The following TMEFF1 variants were observed in gnomAD, a reference collection of about 807,000 sequenced individuals.
TMEFF1 encodes transmembrane protein with EGF like and two follistatin like domains 1.
In TMEFF1, 20 loss-of-function variants were observed where a neutral mutation model predicts 47.5. That is an observed-to-expected ratio of 0.42 (90% CI 0.30 to 0.61). The LOEUF (loss-of-function observed/expected upper bound fraction) is 0.61, where lower values mean the gene tolerates loss of function less well. Ranked by LOEUF, TMEFF1 falls within the 20% of genes least tolerant of loss-of-function variation. The pLI is 0.19. For missense variants in TMEFF1, 411 were observed against 471.1 expected (o/e 0.87, Z 1.18); for synonymous variants, 162 against 166.3 (o/e 0.97, Z 0.20).
intron 5 of TMEFF1, among the ~76,000 whole-genome samples, chr9:100,523,588 C>T (rs990773463): frequency 2.0e-5 from 3 of 152,096 alleles, no homozygotes; most frequent in East Asian, 1.9e-4. Context: ...AAAAGACTAG[C>T]GTTGAATTTG....
At chr9:100,572,720 G>A (rs1839270999) in intron 9 of TMEFF1, 44 bp downstream of exon 9, 2 of 1,558,616 alleles carry the variant, frequency 1.3e-6, no homozygotes, top group South Asian at 2.4e-5. Context: ...TTAGAGGCAG[G>A]CAACTGTTTA....
rs143765276 is a variant in TMEFF1, at chr9:100,521,721, C to G, written c.560+4950C>G. On this transcript the variant is annotated intron_variant, in intron 5 of 9. Coordinates refer to ENST00000374879, the MANE Select transcript of TMEFF1 (RefSeq NM_003692.5). ...CCTGCCCAGGAATGGTGTGAGGAGTCTGTAGAATCATCAGGCCTAATGCCA... is the reference window on the plus strand; with the variant it reads ...CCTGCCCAGGAATGGTGTGAGGAGTGTGTAGAATCATCAGGCCTAATGCCA... Among the ~76,000 whole-genome samples the G allele has an allele frequency of 6.5e-4, 99 of 152,316 alleles. No homozygotes were observed. The East Asian group carries it at 9.6e-3, about 15-fold the overall frequency.
At chr9:100,489,813 G>A (rs1233298763) in intron 1 of TMEFF1, among the ~76,000 whole-genome samples, 1 of 152,198 alleles carries the variant, frequency 6.6e-6, no homozygotes, top group Admixed American at 6.5e-5. Context: ...TGCCAGGCTA[G>A]TGTCAGAACC....
chr9:100,497,320 C>CTTTTTTTTTTTTTTTTTTTTTTTTTTT lies in TMEFF1; in HGVS notation c.197-1421_197-1420insTTTTTTTTTTTTTTTTTTTTTTTTTTT, dbSNP rs752427622. ...TCTTGCTTTAAGTTTCCACTCATGTCTTTTTTTTTTTTTTTTTTTTTTTTG... is the reference window on the plus strand; with the variant it reads ...TCTTGCTTTAAGTTTCCACTCATGTCTTTTTTTTTTTTTTTTTTTTTTTTTTTTTTTTTTTTTTTTTTTTTTTTTTTG... On this transcript the variant is annotated intron_variant, in intron 1 of 9. Coordinates refer to ENST00000374879, the MANE Select transcript of TMEFF1 (RefSeq NM_003692.5). 5.7e-4 allele frequency among the ~76,000 whole-genome samples: 34 copies of CTTTTTTTTTTTTTTTTTTTTTTTTTTT among 59,546 alleles called. 3 individuals carry two copies. The highest frequency in any genetic ancestry group is 1.8e-3 in the South Asian group (2 of 1,094). The allele number at this position is 59,546 out of a possible 152,430, so 39.1% of individuals were successfully genotyped here.
chr9:100,549,476 A>G (rs1023013590), intron 6 of TMEFF1, among the ~76,000 whole-genome samples: 4 of 152,184 alleles, frequency 2.6e-5, no homozygotes, highest in Admixed American at 2.6e-4. Flanking sequence ...TTTAATTGAA[A>G]TGCATCCTTT....
intron 1 of TMEFF1, among the ~76,000 whole-genome samples, chr9:100,478,817 G>C (rs1490622057): frequency 6.6e-6 from 1 of 152,034 alleles, no homozygotes; most frequent in Non-Finnish European, 1.5e-5. Context: ...GTCCTTTTTG[G>C]CTCTGGGATA....
chr9:100,498,912 C>A, intron 2 of TMEFF1, 38 bp downstream of exon 2: 1 of 1,584,532 alleles, frequency 6.3e-7, no homozygotes, highest in Non-Finnish European at 8.6e-7. Context: ...GTTTTATATT[C>A]TTCGTATTTT....
chr9:100,495,213 T>G (rs946851145), intron 1 of TMEFF1, among the ~76,000 whole-genome samples: 1 of 152,244 alleles, frequency 6.6e-6, no homozygotes, highest in Non-Finnish European at 1.5e-5. Flanking sequence ...TTCACTTACA[T>G]TGTTTTCCTA....
chr9:100,518,339 T>A, intron 5 of TMEFF1: 1 of 637,556 alleles, frequency 1.6e-6, no homozygotes, highest in Non-Finnish European at 2.0e-6. Context: ...CTATTCCCAA[T>A]CAGAGCAACT....
At position 100,547,862 on chromosome 9, in the gene TMEFF1, A is replaced by G; in HGVS notation, c.679A>G (p.Ile227Val). 1 of 1,606,682 alleles carries G rather than the reference A, an allele frequency of 6.2e-7. No homozygotes were observed. The highest frequency in any genetic ancestry group is 8.5e-7 in the Non-Finnish European group (1 of 1,177,594). ...REASCIKQEQ[I>V]DIRHLGHCTD... is the part of the protein sequence containing the mutation. ...AGCATCTTGTATAAAGCAAGAACAAATTGATATAAGGCATCTTGGTCATTG... is the reference window on the plus strand; with the variant it reads ...AGCATCTTGTATAAAGCAAGAACAAGTTGATATAAGGCATCTTGGTCATTG... Residue 227 changes from isoleucine (I) to valine (V), a missense_variant, in exon 6 of 10, where the codon ATT (isoleucine) becomes GTT (valine). Coordinates refer to ENST00000374879, the MANE Select transcript of TMEFF1 (RefSeq NM_003692.5).
At chr9:100,547,247 C>T (rs961111781) in intron 5 of TMEFF1, among the ~76,000 whole-genome samples, 2 of 152,066 alleles carry the variant, frequency 1.3e-5, no homozygotes, top group African/African-American at 4.8e-5. Flanking sequence ...AACTCCTGGG[C>T]TCAAGTGATT....
intron 1 of TMEFF1, among the ~76,000 whole-genome samples, chr9:100,485,285 A>G (rs530901648): frequency 6.6e-6 from 1 of 152,288 alleles, no homozygotes; most frequent in South Asian, 2.1e-4. Flanking sequence ...GTTTTTGTGT[A>G]AATACATTGT....
chr9:100,560,565 A>G (rs538140865), intron 7 of TMEFF1, among the ~76,000 whole-genome samples: 2 of 152,252 alleles, frequency 1.3e-5, no homozygotes, highest in African/African-American at 4.8e-5. Context: ...TGTGTGATGT[A>G]TATACAGAGA....
intron 7 of TMEFF1, 70 bp from the exon 8 acceptor site, chr9:100,561,327 A>G (rs966737764): frequency 6.4e-6 from 10 of 1,565,320 alleles, no homozygotes; most frequent in Non-Finnish European, 8.6e-7. Context: ...GCTGTTTCAG[A>G]ACATTTGAAA....
chr9:100,576,753 T>C lies in TMEFF1; in HGVS notation c.*153T>C, dbSNP rs1839361047. 1 of 914,768 alleles carries C rather than the reference T, an allele frequency of 1.1e-6. No homozygotes were observed. Among genetic ancestry groups the C allele is most frequent in the Admixed American group, 3.1e-5 (1 of 31,916 alleles). 56.7% of individuals were successfully genotyped at this position (914,768 alleles called of 1,614,324 possible). A position where few individuals can be genotyped will look rare whatever the true frequency, so the allele number is the denominator to read the frequency against. On this transcript the variant is annotated 3_prime_UTR_variant, in exon 10 of 10. Coordinates refer to ENST00000374879, the MANE Select transcript of TMEFF1 (RefSeq NM_003692.5). ...TTTAGAATATTCAGCTACGACAGTT[T>C]TGGACTGTTTAGTAGTCTTTGTTTT...
chr9:100,546,390 A>C (rs1204779327), intron 5 of TMEFF1, among the ~76,000 whole-genome samples: 1 of 152,076 alleles, frequency 6.6e-6, no homozygotes, highest in Non-Finnish European at 1.5e-5. Context: ...ATTCACTATC[A>C]TGAGAGCAGC....
At chr9:100,544,365 A>G (rs1178061093) in intron 5 of TMEFF1, among the ~76,000 whole-genome samples, 2 of 152,176 alleles carry the variant, frequency 1.3e-5, no homozygotes, top group African/African-American at 4.8e-5. Context: ...ACCAAGTCAC[A>G]TCTTACATGG....
intron 2 of TMEFF1, among the ~76,000 whole-genome samples, chr9:100,501,441 AT>A (rs1003749529): frequency 1.3e-5 from 2 of 151,930 alleles, no homozygotes; most frequent in African/African-American, 4.8e-5. Context: ...GTGAATTAAT[AT>A]TTCATATTCT....
At chr9:100,490,230 G>C (rs149766434) in intron 1 of TMEFF1, among the ~76,000 whole-genome samples, 44 of 152,244 alleles carry the variant, frequency 2.9e-4, no homozygotes, top group African/African-American at 1.0e-3. Flanking sequence ...TAATATTAAT[G>C]TAAACTGCTT....
Sources: gnomAD v4.1 joint callset for allele counts (sites outside exome capture counted in the v4.1 genomes callset) on GRCh38, gnomAD v4.1.1 for gene constraint, MANE v1.5 for transcripts, NCBI Gene and HGNC (gene_info 2026-07-23, HGNC 2026-07-21) for gene names.